Variants in FBN3 observed in about 807,000 individuals in gnomAD.
FBN3 encodes the protein fibrillin 3.
In FBN3, 234 loss-of-function variants were observed where a neutral mutation model predicts 330.1. The observed-to-expected ratio is 0.71, with a 90% CI of 0.64 to 0.79. The LOEUF (loss-of-function observed/expected upper bound fraction) is 0.79, where lower values mean the gene tolerates loss of function less well. FBN3 is among the 30% of genes least tolerant of loss of function. The pLI, the probability that FBN3 is intolerant of heterozygous loss-of-function variation, is 0.00. For missense variants in FBN3, 3,606 were observed against 3,886.9 expected (o/e 0.93, Z 1.92); for synonymous variants, 1,458 against 1,517.3 (o/e 0.96, Z 0.91).
At position 8,123,513 on chromosome 19, in the gene FBN3, G is replaced by A. The variant is rs145240162; in HGVS notation, c.3033C>T (p.Cys1011=). Residue 1011 remains cysteine, a synonymous_variant, in exon 24 of 64, where the codon TGC becomes TGT. Coordinates refer to ENST00000600128, the MANE Select transcript of FBN3 (RefSeq NM_032447.5). Reference sequence around the variant, plus strand: ...CCAGGGCGAAGCCCCCCGCACAGGCGCAGTGGAAGCTGCCCACCGTGTTTC... The same window carrying A: ...CCAGGGCGAAGCCCCCCGCACAGGCACAGTGGAAGCTGCCCACCGTGTTTC... ...TCRNTVGSFH[C]ACAGGFALDA... is the part of the protein sequence containing the mutation. The A allele has an allele frequency of 1.8e-4, 284 of 1,614,140 alleles. 2 individuals are homozygous for A. In the East Asian group the frequency reaches 3.1e-3, roughly 17 times the overall value.
At chr19:8,086,613 C>A (rs950714870) in intron 54 of FBN3, among the ~76,000 whole-genome samples, 5 of 124,012 alleles carry the variant, frequency 4.0e-5, no homozygotes, top group African/African-American at 1.3e-4. Context: ...CCCGCCGCCA[C>A]GCCCAGCTAT....
intron 36 of FBN3, among the ~76,000 whole-genome samples, 161 bp from the exon 37 acceptor site, chr19:8,108,399 G>C (rs182941354): frequency 2.6e-5 from 4 of 152,158 alleles, no homozygotes; most frequent in African/African-American, 9.7e-5. Context: ...TTGGGGCCAA[G>C]AGACTTTGGC....
chr19:8,083,505 C>A, intron 56 of FBN3, 133 bp from the exon 57 acceptor site: 2 of 1,046,838 alleles, frequency 1.9e-6, no homozygotes, highest in East Asian at 5.0e-5. Context: ...GGCCACTGCA[C>A]CCCAGCCCAC....
At position 8,126,929 on chromosome 19, in the gene FBN3, C is replaced by A. The variant is rs527727048; in HGVS notation, c.2297-97G>T. The A allele has an allele frequency of 3.3e-5, 46 of 1,403,306 alleles. 2 individuals carry two copies. The African/African-American group carries it at 5.3e-4, about 16-fold the overall frequency. 86.9% of individuals were successfully genotyped at this position (1,403,306 alleles called of 1,614,324 possible). On this transcript the variant is annotated intron_variant, in intron 18 of 63. Transcript: ENST00000600128. ...CCCAAGGGGCCGCCGCAACCGGTGGCACGGGGTGCACCCAGATGCACAAGC... is the reference window on the plus strand; with the variant it reads ...CCCAAGGGGCCGCCGCAACCGGTGGAACGGGGTGCACCCAGATGCACAAGC...
At position 8,096,119 on chromosome 19, in the gene FBN3, A is replaced by G; in HGVS notation, c.5540-39T>C. ...GCCGAGAGCCCAACCCAGCTCACCC[A>G]GGGCATTGGGGAACTTGGGGAGTGA... On this transcript the variant is annotated intron_variant, in intron 44 of 63. Transcript: ENST00000600128. The surrounding 1 kb of genome is among the most constrained non-coding windows in gnomAD (Gnocchi z 4.6). The G allele has an allele frequency of 2.6e-6, 4 of 1,513,248 alleles. No individual in the cohort carries two copies. In the East Asian group the frequency reaches 6.8e-5, roughly 26 times the overall value. The allele number at this position is 1,513,248 out of a possible 1,614,324, so 93.7% of individuals were successfully genotyped here.
Position 8,075,171 on chromosome 19 carries a change from C to T in FBN3, c.7602G>A (p.Gly2534=). 15 of 1,568,856 alleles carry T rather than the reference C, an allele frequency of 9.6e-6. No homozygotes were observed. The highest frequency in any genetic ancestry group is 1.4e-5 in the African/African-American group (1 of 73,854). The part of the protein sequence containing the change: ...HGCEDVNECD[G]PHRCQHGCQN... ...GACAGCCATGCTGGCAGCGGTGGGG[C>T]CCATCACATTCATTCACATCTGAGA... The change falls in exon 61 of 64, where the codon GGG becomes GGA. Residue 2534 remains glycine (G), a synonymous_variant. Transcript: ENST00000600128.
At chr19:8,082,618 C>T (rs997442446) in intron 57 of FBN3, among the ~76,000 whole-genome samples, 2 of 151,964 alleles carry the variant, frequency 1.3e-5, no homozygotes, top group African/African-American at 4.8e-5. Flanking sequence ...CTCAGCCTCC[C>T]GCGTAGCTGG....
In FBN3 at chr19:8,068,507, G is replaced by T. The variant is rs372411997; in HGVS notation, c.8089-2247C>A. Among the ~76,000 whole-genome samples, 24 of 152,042 alleles carry T rather than the reference G, an allele frequency of 1.6e-4. No individual in the cohort carries two copies. The East Asian group carries it at 2.3e-3, about 15-fold the overall frequency. On this transcript the variant is annotated intron_variant, in intron 63 of 63. Transcript: ENST00000600128. ...AGCCCAGGAGTTTGAGACCAGCCTGGGCAACATGGTGAACCCCGTCTCTAC... is the reference window on the plus strand; with the variant it reads ...AGCCCAGGAGTTTGAGACCAGCCTGTGCAACATGGTGAACCCCGTCTCTAC...
chr19:8,084,517 G>T (rs567717227), intron 56 of FBN3, among the ~76,000 whole-genome samples: 174 of 152,072 alleles, frequency 1.1e-3, no homozygotes, highest in African/African-American at 4.0e-3. Context: ...ACTGGCCATG[G>T]GAGAGCCAGC....
chr19:8,088,286 G>A lies in FBN3; in HGVS notation c.6377-107C>T, dbSNP rs540429900. 2,312 of 1,349,682 alleles carry A rather than the reference G, an allele frequency of 1.7e-3. 52 individuals are homozygous for A. The South Asian group carries it at 0.03, about 18-fold the overall frequency. The allele number at this position is 1,349,682 out of a possible 1,614,324, so 83.6% of individuals were successfully genotyped here. On this transcript the variant is annotated intron_variant, in intron 51 of 63. Transcript: ENST00000600128. Reference sequence around the variant, plus strand: ...ACCACAGATCGGAGGGGGCCAGATCGAATGCACCTCTAGTCTGGCTATGGG... The same window carrying A: ...ACCACAGATCGGAGGGGGCCAGATCAAATGCACCTCTAGTCTGGCTATGGG...
intron 51 of FBN3, among the ~76,000 whole-genome samples, chr19:8,089,267 GAGTA>G (rs146055150): frequency 8.7e-4 from 132 of 152,320 alleles, no homozygotes; most frequent in East Asian, 6.8e-3. Context: ...ATGAGAAAAT[GAGTA>G]AGTGAGTGAG....
rs770030545 is a variant in FBN3, at chr19:8,116,776, G to A, written c.3610C>T (p.Pro1204Ser). The A allele has an allele frequency of 3.7e-6, 6 of 1,614,048 alleles. No homozygotes were observed. In the East Asian group the frequency reaches 1.3e-4, roughly 36 times the overall value. ...CAGTGGCCTTGGTCACAAACGCGGG[G>A]GTTCTCTTCACACTCGTCCACGTCT... ...CADVDECEEN[P>S]RVCDQGHCTN... is the part of the protein sequence containing the mutation. The change falls in exon 29 of 64, where the codon CCC becomes TCC. Residue 1204 changes from proline (P) to serine (S), a missense_variant. Coordinates refer to ENST00000600128, the MANE Select transcript of FBN3 (RefSeq NM_032447.5).
chr19:8,097,147 T>C (rs1434989731), intron 42 of FBN3, 141 bp from the exon 43 acceptor site: 7 of 1,455,394 alleles, frequency 4.8e-6, no homozygotes, highest in Non-Finnish European at 6.5e-6. Context: ...TTATATGAGA[T>C]GGAGGCCCTT....
chr19:8,072,201 G>A lies in FBN3; in HGVS notation c.7938-3C>T. ...AGCCCAGGCCGGAGACACAGTGCCT[G>A]GGCCAGGATGGGCAGGGTGGAGGGG... is the stretch of plus-strand genomic sequence containing the variant. On this transcript the variant is annotated splice_region_variant and splice_polypyrimidine_tract_variant and intron_variant, in intron 62 of 63. Coordinates refer to ENST00000600128, the MANE Select transcript of FBN3 (RefSeq NM_032447.5). The A allele has an allele frequency of 6.6e-7, 1 of 1,525,550 alleles. No homozygotes were observed. Among genetic ancestry groups the A allele is most frequent in the East Asian group, 2.4e-5 (1 of 40,988 alleles). 94.5% of individuals were successfully genotyped at this position (1,525,550 alleles called of 1,614,324 possible). A position where few individuals can be genotyped will look rare whatever the true frequency, so the allele number is the denominator to read the frequency against.
intron 59 of FBN3, among the ~76,000 whole-genome samples, chr19:8,079,995 C>T (rs2081738490): frequency 6.6e-6 from 1 of 152,178 alleles, no homozygotes; most frequent in Admixed American, 6.5e-5. Flanking sequence ...TGTTGCTGTA[C>T]CCCCAGGGTC....
At position 8,081,104 on chromosome 19, in the gene FBN3, G is replaced by A; in HGVS notation, c.7352C>T (p.Thr2451Ile). 6.2e-7 allele frequency: 1 copy of A among 1,613,730 alleles called. No individual in the cohort carries two copies. The highest frequency in any genetic ancestry group is 8.5e-7 in the Non-Finnish European group (1 of 1,179,934). ...GAACTGACAGTTGTGCTGCCGGGAG[G>A]TGCATTCGTCCAGGTCTGCAGCACG... ...GRTCKDLDECTSRQHNCQFLC... is the reference protein window; with the variant it reads ...GRTCKDLDECISRQHNCQFLC... The change falls in exon 59 of 64, where the codon ACC becomes ATC. Residue 2451 changes from threonine to isoleucine, a missense_variant. By Grantham distance (89) the Thr-to-Ile change is moderately conservative (BLOSUM62 -1). Transcript: ENST00000600128.
chr19:8,119,925 A>G (rs2082801773), intron 25 of FBN3, among the ~76,000 whole-genome samples: 1 of 142,956 alleles, frequency 7.0e-6, no homozygotes, highest in Non-Finnish European at 1.5e-5. Flanking sequence ...TGTTCAAACT[A>G]TCCTCCCACT....
rs1276346515 is a variant in FBN3, at chr19:8,121,756, TTTAC to T, written c.3083-374_3083-371del. Among the ~76,000 whole-genome samples the T allele has an allele frequency of 6.6e-6, 1 of 151,684 alleles. No homozygotes were observed. Among genetic ancestry groups the T allele is most frequent in the Admixed American group, 6.6e-5 (1 of 15,234 alleles). On this transcript the variant is annotated intron_variant, in intron 24 of 63. Transcript: ENST00000600128. The surrounding 1 kb of genome is among the most constrained non-coding windows in gnomAD (Gnocchi z 4.5). Reference sequence around the variant, plus strand: ...TTTATTTTTATTACTTATTTATTTATTTACTTTTTTAGAGACAGAGTCTTGCTCT... The same window carrying T: ...TTTATTTTTATTACTTATTTATTTATTTTTTTAGAGACAGAGTCTTGCTCT...
intron 16 of FBN3, among the ~76,000 whole-genome samples, chr19:8,130,623 A>AGGAAGGAAGGAAGGAAGG (rs1491411538): frequency 1.1e-4 from 2 of 18,990 alleles, no homozygotes; most frequent in East Asian, 7.4e-4. Flanking sequence ...AAAGAAAGAA[A>AGGAAGGAAGGAAGGAAGG]GAAAGAAAGA....
Sources: gnomAD v4.1 joint callset for allele counts (sites outside exome capture counted in the v4.1 genomes callset) on GRCh38, gnomAD v4.1.1 for gene constraint, Gnocchi (gnomAD v3.1) non-coding constraint, MANE v1.5 for transcripts, NCBI Gene and HGNC (gene_info 2026-07-23, HGNC 2026-07-21) for gene names.